The following ATP11A variants were observed in gnomAD, a reference collection of about 807,000 sequenced individuals.
ATP11A encodes phospholipid-transporting ATPase IH.
A neutral mutation model predicts 154.4 loss-of-function variants in ATP11A; 81 were observed. The ratio of observed to expected loss-of-function variants is 0.52; its 90% confidence interval spans 0.44 to 0.63. The LOEUF (loss-of-function observed/expected upper bound fraction) is 0.63, where lower values mean the gene tolerates loss of function less well. Among genes scored for constraint, ATP11A ranks in the 30% least tolerant of loss-of-function variants. The pLI is 0.00. For synonymous variants in ATP11A, 623 were observed against 585.9 expected (o/e 1.06, Z -0.91); for missense variants, 1,316 against 1,474.3 (o/e 0.89, Z 1.76).
At chr13:112,756,613 G>A (rs578261401) in intron 1 of ATP11A, among the ~76,000 whole-genome samples, 2 of 152,364 alleles carry the variant, frequency 1.3e-5, no homozygotes, top group African/African-American at 4.8e-5. Context: ...ACCGCTGGTG[G>A]CGGCTGAGCT....
rs560647537 is a variant in ATP11A at position 112,690,871 on chromosome 13, G to A, written c.39+416G>A. Among the ~76,000 whole-genome samples the A allele has an allele frequency of 5.8e-4, 88 of 152,352 alleles. No homozygotes were observed. The South Asian group carries it at 0.012, about 21-fold the overall frequency. ...AACCTTCAGATGCGGCTTCCGCGCA[G>A]CCGTGTCTGTAAGATTAAGGGATTG... On this transcript the variant is annotated intron_variant, in intron 1 of 29. Transcript: ENST00000375645. This position sits in a 1 kb window ranked among gnomAD's most constrained non-coding sequence, Gnocchi z 5.6.
Position 112,818,204 on chromosome 13 carries a change from C to T in ATP11A, c.571-1100C>T, listed in dbSNP as rs569677110. Among the ~76,000 whole-genome samples the T allele has an allele frequency of 1.6e-3, 241 of 146,652 alleles. 5 individuals carry two copies. The highest frequency in any genetic ancestry group is 5.9e-3 in the African/African-American group (228 of 38,958). Reference sequence around the variant, plus strand: ...GACCGTCGGTGCGCTTGGTGACGGGCAGTGACTGTTGGTGCGCTTGGTGAC... The same window carrying T: ...GACCGTCGGTGCGCTTGGTGACGGGTAGTGACTGTTGGTGCGCTTGGTGAC... On this transcript the variant is annotated intron_variant, in intron 6 of 29. Transcript: ENST00000375645.
In ATP11A at chr13:112,857,908, C is replaced by T; in HGVS notation, c.2509C>T (p.His837Tyr). 2 of 1,614,218 alleles carry T rather than the reference C, an allele frequency of 1.2e-6. No individual in the cohort carries two copies. Among genetic ancestry groups the T allele is most frequent in the Non-Finnish European group, 1.7e-6 (2 of 1,180,038 alleles). Residue 837 changes from histidine to tyrosine, a missense_variant, in exon 21 of 30, where the codon CAC becomes TAC. Physicochemically the swap from His to Tyr is moderately conservative, Grantham distance 83. Around this residue, in one of 5 missense-constraint regions of ATP11A, gnomAD observed 876 missense variants for 1,006.8 expected, o/e 0.87. Coordinates refer to ENST00000375645, the MANE Select transcript of ATP11A (RefSeq NM_015205.3). The stretch of plus-strand genomic sequence containing the variant: ...TGATGTCAGCATGATTCTGGAAGCG[C>T]ACGTGGGCATAGGTGAGCTTCGTCC... The part of the protein sequence containing the change: ...ANDVSMILEA[H>Y]VGIGVIGKEG...
At chr13:112,881,440 G>GT in intron 29 of ATP11A, 2 of 1,061,546 alleles carry the variant, frequency 1.9e-6, no homozygotes, top group Non-Finnish European at 2.3e-6. Flanking sequence ...GGGTCTCTGG[G>GT]TACCGGTATG....
Position 112,785,361 on chromosome 13 carries a change from C to A in ATP11A, c.162+104C>A. 7.9e-7 allele frequency: 1 copy of A among 1,268,002 alleles called. No individual in the cohort carries two copies. The highest frequency in any genetic ancestry group is 1.0e-6 in the Non-Finnish European group (1 of 984,010). 78.5% of individuals were successfully genotyped at this position (1,268,002 alleles called of 1,614,324 possible). On this transcript the variant is annotated intron_variant, in intron 2 of 29. Transcript: ENST00000375645. This position sits in a 1 kb window ranked among gnomAD's most constrained non-coding sequence, Gnocchi z 4.8. ...AAGAGCGGCTCTGCTCCTGGCCCTG[C>A]TGTCACAGCCACCAGCCACCCCCAG...
intron 12 of ATP11A, among the ~76,000 whole-genome samples, chr13:112,829,449 A>G (rs538495245): frequency 6.6e-6 from 1 of 152,232 alleles, no homozygotes; most frequent in Non-Finnish European, 1.5e-5. Flanking sequence ...CGTCTGCAAA[A>G]TGAAGGACAA....
chr13:112,784,758 C>G (rs1037538241), intron 1 of ATP11A, among the ~76,000 whole-genome samples: 1 of 152,202 alleles, frequency 6.6e-6, no homozygotes, highest in African/African-American at 2.4e-5. Flanking sequence ...CTCCTGACCT[C>G]GTGATCCGCC....
rs188007186 is a variant in ATP11A at position 112,753,091 on chromosome 13, A to G, written c.40-32044A>G. Among the ~76,000 whole-genome samples the G allele has an allele frequency of 2.6e-5, 4 of 152,282 alleles. No homozygotes were observed. The East Asian group carries it at 5.8e-4, about 22-fold the overall frequency. ...CAGGGTAAATGAGTCAGTGTTCCCA[A>G]TGACATATACGGTGGCTTACAGTTA... On this transcript the variant is annotated intron_variant, in intron 1 of 29. Transcript: ENST00000375645. This position sits in a 1 kb window ranked among gnomAD's most constrained non-coding sequence, Gnocchi z 4.1.
In ATP11A at chr13:112,788,481, G is replaced by A. The variant is rs149438644; in HGVS notation, c.162+3224G>A. 4.8e-3 allele frequency among the ~76,000 whole-genome samples: 714 copies of A among 149,450 alleles called. 8 individuals are homozygous for A. The highest frequency in any genetic ancestry group is 0.016 in the African/African-American group (627 of 40,322). On this transcript the variant is annotated intron_variant, in intron 2 of 29. Transcript: ENST00000375645. ...TGCGGAGACCTACTTAATTCACACC[G>A]GGTGTCCTGATGCGTAGACTCCTGT...
chr13:112,806,339 T>G (rs758219553), intron 4 of ATP11A, 46 bp downstream of exon 4: 1 of 1,432,246 alleles, frequency 7.0e-7, no homozygotes, highest in Admixed American at 1.7e-5. Flanking sequence ...ATCTTCACCA[T>G]GTGAATTGCC....
intron 1 of ATP11A, among the ~76,000 whole-genome samples, chr13:112,777,710 G>A (rs142801022): frequency 3.3e-5 from 5 of 152,322 alleles, no homozygotes; most frequent in South Asian, 2.1e-4. Flanking sequence ...GCCCCCTCCC[G>A]CTGGAAGGTG....
At chr13:112,721,250 G>A (rs1282192667) in intron 1 of ATP11A, among the ~76,000 whole-genome samples, 5 of 152,124 alleles carry the variant, frequency 3.3e-5, no homozygotes, top group African/African-American at 9.7e-5. Flanking sequence ...CCTCTGCCCC[G>A]CAGGTAACTT....
intron 15 of ATP11A, among the ~76,000 whole-genome samples, chr13:112,835,910 T>A (rs1457092991): frequency 6.6e-6 from 1 of 152,220 alleles, no homozygotes; most frequent in Non-Finnish European, 1.5e-5. Flanking sequence ...AATCTGAGCC[T>A]ATGCCCTGGG....
At position 112,699,387 on chromosome 13, in the gene ATP11A, G is replaced by T. The variant is rs1410938257; in HGVS notation, c.39+8932G>T. On this transcript the variant is annotated intron_variant, in intron 1 of 29. Transcript: ENST00000375645. ...TCAGAACCAGATCACTTCTTGGAAG[G>T]CATATTAGAAGTTTGCAGTTGAGAC... Among the ~76,000 whole-genome samples the T allele has an allele frequency of 2.0e-5, 3 of 152,188 alleles. No homozygotes were observed. The South Asian group carries it at 6.2e-4, about 32-fold the overall frequency.
intron 1 of ATP11A, among the ~76,000 whole-genome samples, chr13:112,710,740 C>T (rs1274255011): frequency 2.0e-5 from 3 of 152,212 alleles, no homozygotes; most frequent in Admixed American, 6.5e-5. Flanking sequence ...AGACCAGTTC[C>T]AGTCTTTGGC....
chr13:112,760,041 C>T (rs541835841), intron 1 of ATP11A, among the ~76,000 whole-genome samples: 2 of 152,254 alleles, frequency 1.3e-5, no homozygotes, highest in South Asian at 4.1e-4. Flanking sequence ...GCAGATGCAG[C>T]TTGGGGCTTA....
chr13:112,708,837 G>A (rs919402831), intron 1 of ATP11A, among the ~76,000 whole-genome samples: 12 of 152,232 alleles, frequency 7.9e-5, no homozygotes, highest in African/African-American at 2.9e-4. Context: ...AACTCATGGA[G>A]GGGGAGGGGG....
intron 1 of ATP11A, among the ~76,000 whole-genome samples, chr13:112,780,781 GA>G (rs1274176549): frequency 6.6e-6 from 1 of 152,146 alleles, no homozygotes; most frequent in African/African-American, 2.4e-5. Flanking sequence ...GAGTCATTAG[GA>G]AACCTGTTAC....
intron 1 of ATP11A, among the ~76,000 whole-genome samples, chr13:112,759,453 A>G (rs2076916828): frequency 6.6e-6 from 1 of 152,234 alleles, no homozygotes; most frequent in Non-Finnish European, 1.5e-5. Flanking sequence ...TGCTCTTTCA[A>G]CAATAGCGCG....
Sources: allele counts gnomAD v4.1 joint callset (sites outside exome capture counted in the v4.1 genomes callset), GRCh38; gene constraint gnomAD v4.1.1; regional missense constraint gnomAD v4.1.1; non-coding constraint Gnocchi (gnomAD v3.1); transcripts MANE v1.5; gene names NCBI Gene and HGNC (gene_info 2026-07-23, HGNC 2026-07-21).